The following BACE2 variants were observed in gnomAD, a reference collection of about 807,000 sequenced individuals.
The protein encoded by BACE2 is beta-secretase 2, also known as 56 kDa aspartic-like protease.
A neutral mutation model predicts 46.2 loss-of-function variants in BACE2; 17 were observed. That is an observed-to-expected ratio of 0.37 (90% confidence interval 0.25 to 0.55). The LOEUF is 0.55. Among genes scored for constraint, BACE2 ranks in the 20% least tolerant of loss-of-function variants. The pLI is 0.82. For missense variants in BACE2, 595 were observed against 698.1 expected, an observed-to-expected ratio of 0.85 and a Z score of 1.66; for synonymous variants, 277 against 295.9, an observed-to-expected ratio of 0.94 and a Z score of 0.66.
chr21:41,249,577 C>G (rs987750951), intron 6 of BACE2, among the ~76,000 whole-genome samples: 67 of 152,304 alleles, frequency 4.4e-4, no homozygotes, highest in African/African-American at 1.6e-3. Context: ...CATGTCCAGC[C>G]GGCAGATTCC....
At chr21:41,172,962 G>A (rs369590245) in intron 1 of BACE2, among the ~76,000 whole-genome samples, 2 of 152,190 alleles carry the variant, frequency 1.3e-5, no homozygotes, top group South Asian at 4.2e-4. Context: ...ACCCTTGGCC[G>A]CATGACTCCA....
intron 1 of BACE2, among the ~76,000 whole-genome samples, chr21:41,194,546 G>C (rs9975847): frequency 0.028 from 4,325 of 152,272 alleles, 86 homozygotes; most frequent in Middle Eastern, 0.071. Flanking sequence ...TGTCAAGTGT[G>C]GCCAAGATAA....
intron 1 of BACE2, among the ~76,000 whole-genome samples, chr21:41,217,539 G>A (rs1986509804): frequency 6.6e-6 from 1 of 152,134 alleles, no homozygotes; most frequent in Non-Finnish European, 1.5e-5. Context: ...TGAACACTCA[G>A]GGCCCTGTGC....
At position 41,174,138 on chromosome 21, in the gene BACE2, CCTTTTTTTTTTTT is replaced by C. The variant is rs1273478080; in HGVS notation, c.312+5564_312+5576del. On this transcript the variant is annotated intron_variant, in intron 1 of 8. Transcript: ENST00000330333. Reference sequence around the variant, plus strand: ...TAAGGATAGCTGTTGTGATCAGTGGCCTTTTTTTTTTTTTTTTTTTTTTTTTAAACAGTCTCGC... The same window carrying C: ...TAAGGATAGCTGTTGTGATCAGTGGCTTTTTTTTTTTTTAAACAGTCTCGC... 5.7e-5 allele frequency among the ~76,000 whole-genome samples: 4 copies of C among 70,650 alleles called. 1 individual carries two copies. The highest frequency in any genetic ancestry group is 9.5e-5 in the African/African-American group (1 of 10,560). 46.3% of individuals were successfully genotyped at this position (70,650 alleles called of 152,430 possible).
intron 1 of BACE2, chr21:41,181,520 G>A (rs1985122818): frequency 6.0e-6 from 1 of 167,046 alleles, no homozygotes; most frequent in Non-Finnish European, 1.5e-5. Flanking sequence ...ACCTCCCCGT[G>A]GTCTTGGAAA....
chr21:41,233,089 C>G (rs553477792), intron 2 of BACE2, among the ~76,000 whole-genome samples: 1 of 152,070 alleles, frequency 6.6e-6, no homozygotes, highest in Non-Finnish European at 1.5e-5. Flanking sequence ...AGGATAGTCT[C>G]GATCTCCTGA....
At chr21:41,170,968 A>G (rs1984588003) in intron 1 of BACE2, among the ~76,000 whole-genome samples, 1 of 152,160 alleles carries the variant, frequency 6.6e-6, no homozygotes, top group Admixed American at 6.5e-5. Flanking sequence ...GAGAGACTGA[A>G]TGACTTTCCA....
Position 41,278,133 on chromosome 21 carries a change from CTG to C in BACE2, c.*2512_*2513del, listed in dbSNP as rs1358545387. Reference sequence around the variant, plus strand: ...GGTGTCATTTTTACCTTGTAATACACTGTGGAAAATTCTGGAAGACGGTCCTT... The same window carrying C: ...GGTGTCATTTTTACCTTGTAATACACTGGAAAATTCTGGAAGACGGTCCTT... On this transcript the variant is annotated 3_prime_UTR_variant, in exon 9 of 9. Transcript: ENST00000330333. The C allele has an allele frequency of 6.6e-6, 1 of 152,190 alleles. No homozygotes were observed. Among genetic ancestry groups the C allele is most frequent in the Non-Finnish European group, 1.5e-5 (1 of 68,032 alleles). The allele number at this position is 152,190 out of a possible 1,614,324, so 9.4% of individuals were successfully genotyped here.
chr21:41,270,859 A>T (rs2088427357), intron 8 of BACE2, among the ~76,000 whole-genome samples: 1 of 152,196 alleles, frequency 6.6e-6, no homozygotes, highest in Non-Finnish European at 1.5e-5. Context: ...CTATATCATA[A>T]CTTATTTTCT....
chr21:41,201,319 T>C (rs1164595117), intron 1 of BACE2, among the ~76,000 whole-genome samples: 1 of 152,252 alleles, frequency 6.6e-6, no homozygotes, highest in Admixed American at 6.5e-5. Flanking sequence ...TAAGTAGAGT[T>C]GAGTTTGTTT....
At position 41,237,570 on chromosome 21, in the gene BACE2, C is replaced by G; in HGVS notation, c.459C>G (p.Ser153Arg). The change falls in exon 3 of 9, where the codon AGC becomes AGG. Residue 153 changes from serine to arginine, a missense_variant. Ser to Arg is a moderately radical substitution (Grantham distance 110). This residue lies in a region of BACE2 where 248 missense variants were observed against 261.4 expected (regional missense o/e 0.95). Coordinates refer to ENST00000330333, the MANE Select transcript of BACE2 (RefSeq NM_012105.5). ...FDVTVKYTQG[S>R]WTGFVGEDLV... The stretch of plus-strand genomic sequence containing the variant: ...TCACAGTGAAGTACACACAAGGAAG[C>G]TGGACGGGCTTCGTTGGGGAAGACC... The G allele has an allele frequency of 6.2e-7, 1 of 1,614,228 alleles. No individual in the cohort carries two copies. Among genetic ancestry groups the G allele is most frequent in the Non-Finnish European group, 8.5e-7 (1 of 1,180,038 alleles).
At position 41,168,336 on chromosome 21, in the gene BACE2, GC is replaced by G. The variant is rs1425108286; in HGVS notation, c.78del (p.Ala27ArgfsTer16). The stretch of plus-strand genomic sequence containing the variant: ...GCTCCTGCGCGCCGCCCCGGAGCTG[GC>G]CCCCGCGCCCTTCACGCTGCCCCTC... ...QWLLRAAPELAPAPFTLPLRV... is the reference protein window; with the variant it reads ...QWLLRAAPELXPAPFTLPLRV... On this transcript the variant is annotated frameshift_variant, in exon 1 of 9. Coordinates refer to ENST00000330333, the MANE Select transcript of BACE2 (RefSeq NM_012105.5). LOFTEE classifies it high-confidence loss of function. 13 of 1,359,286 alleles carry G rather than the reference GC, an allele frequency of 9.6e-6. No homozygotes were observed. Among genetic ancestry groups the G allele is most frequent in the South Asian group, 5.4e-5 (3 of 55,892 alleles). The allele number at this position is 1,359,286 out of a possible 1,614,324, so 84.2% of individuals were successfully genotyped here. A position where few individuals can be genotyped will look rare whatever the true frequency, so the allele number is the denominator to read the frequency against.
chr21:41,204,376 T>C (rs540218959), intron 1 of BACE2, among the ~76,000 whole-genome samples: 2 of 152,010 alleles, frequency 1.3e-5, no homozygotes, highest in Non-Finnish European at 2.9e-5. Flanking sequence ...ATGGGAGATA[T>C]GATGTCCCAT....
chr21:41,266,175 C>G (rs552531187), intron 8 of BACE2, among the ~76,000 whole-genome samples: 6 of 151,682 alleles, frequency 4.0e-5, no homozygotes, highest in Admixed American at 3.9e-4. Flanking sequence ...TTTTTCTTTT[C>G]TTTTATGAAC....
At chr21:41,188,516 T>C (rs574885582) in intron 1 of BACE2, among the ~76,000 whole-genome samples, 46 of 152,248 alleles carry the variant, frequency 3.0e-4, no homozygotes, top group African/African-American at 1.1e-3. Context: ...GTCATGCCTG[T>C]GTCTAGAGTG....
Position 41,280,700 on chromosome 21 carries a change from G to A in BACE2, c.*5076G>A, listed in dbSNP as rs530530166. ...AGCCACGCTGCTTAGTGCTGCCAGCGAACCTCAGGTTGCATCAGTGGCTGG... is the reference window on the plus strand; with the variant it reads ...AGCCACGCTGCTTAGTGCTGCCAGCAAACCTCAGGTTGCATCAGTGGCTGG... On this transcript the variant is annotated 3_prime_UTR_variant, in exon 9 of 9. Transcript: ENST00000330333. The A allele has an allele frequency of 1.1e-4, 16 of 152,380 alleles. No individual in the cohort carries two copies. Among genetic ancestry groups the A allele is most frequent in the African/African-American group, 3.1e-4 (13 of 41,588 alleles). The allele number at this position is 152,380 out of a possible 1,614,324, so 9.4% of individuals were successfully genotyped here.
chr21:41,261,078 A>G (rs1297627535), intron 8 of BACE2, among the ~76,000 whole-genome samples: 5 of 152,106 alleles, frequency 3.3e-5, no homozygotes, highest in Non-Finnish European at 7.4e-5. Context: ...CTTAATTAAC[A>G]TTTGGATTAT....
At chr21:41,238,889 C>G (rs1987207918) in intron 3 of BACE2, among the ~76,000 whole-genome samples, 1 of 143,198 alleles carries the variant, frequency 7.0e-6, no homozygotes, top group South Asian at 2.2e-4. Context: ...ACCAGCATGG[C>G]ACATGTATAC....
At chr21:41,248,698 C>G (rs1987545064) in intron 6 of BACE2, among the ~76,000 whole-genome samples, 1 of 152,256 alleles carries the variant, frequency 6.6e-6, no homozygotes, top group African/African-American at 2.4e-5. Flanking sequence ...CCACAGGGTG[C>G]TTTCTCCCCA....
Sources: gnomAD v4.1 joint callset for allele counts (sites outside exome capture counted in the v4.1 genomes callset) on GRCh38, gnomAD v4.1.1 for gene constraint, gnomAD v4.1.1 regional missense constraint, MANE v1.5 for transcripts, NCBI Gene and HGNC (gene_info 2026-07-23, HGNC 2026-07-21) for gene names.